HCN1: variants seen among roughly 807,000 people sequenced by gnomAD.
HCN1 encodes potassium/sodium hyperpolarization-activated cyclic nucleotide-gated channel 1.
Under a neutral mutation model 78.9 loss-of-function variants are expected in HCN1, and 13 were observed. The ratio of observed to expected loss-of-function variants is 0.16; its 90% CI spans 0.11 to 0.26. The LOEUF (loss-of-function observed/expected upper bound fraction) is 0.26, where lower values mean the gene tolerates loss of function less well. HCN1 is among the 10% of genes least tolerant of loss of function. The pLI is 1.00. For missense variants in HCN1, 810 were observed against 1,154.3 expected (o/e 0.70, Z 4.32); for synonymous variants, 552 against 455.5 (o/e 1.21, Z -2.70).
chr5:45,334,740 C>T (rs1201860767), intron 5 of HCN1, among the ~76,000 whole-genome samples: 3 of 151,914 alleles, frequency 2.0e-5, no homozygotes, highest in African/African-American at 4.8e-5. Flanking sequence ...ACAATATGCT[C>T]GGCACTGTGG....
At chr5:45,369,070 T>G (rs1012182797) in intron 4 of HCN1, among the ~76,000 whole-genome samples, 15 of 151,950 alleles carry the variant, frequency 9.9e-5, no homozygotes, top group African/African-American at 3.6e-4. Context: ...TTTACATAAA[T>G]GGAATAACAT....
At chr5:45,671,238 C>T (rs1395059658) in intron 1 of HCN1, among the ~76,000 whole-genome samples, 1 of 151,436 alleles carries the variant, frequency 6.6e-6, no homozygotes, top group African/African-American at 2.4e-5. Flanking sequence ...CAAATCCCAC[C>T]TGTCATTAAG....
chr5:45,337,672 C>T (rs962604415), intron 5 of HCN1, among the ~76,000 whole-genome samples: 6 of 151,934 alleles, frequency 3.9e-5, no homozygotes, highest in Admixed American at 3.3e-4. Context: ...TATAGCAGAA[C>T]AGGGAATGAA....
At chr5:45,498,606 A>T (rs1322147315) in intron 2 of HCN1, among the ~76,000 whole-genome samples, 4 of 152,188 alleles carry the variant, frequency 2.6e-5, no homozygotes, top group African/African-American at 9.7e-5. Context: ...TTTTCCGTCC[A>T]GCTTCCTTCC....
chr5:45,339,179 A>G (rs1561113018), intron 5 of HCN1, among the ~76,000 whole-genome samples: 1 of 152,136 alleles, frequency 6.6e-6, no homozygotes, highest in Non-Finnish European at 1.5e-5. Flanking sequence ...ATATTTCATG[A>G]CTTCCTACTG....
chr5:45,337,637 C>T (rs1458015671), intron 5 of HCN1, among the ~76,000 whole-genome samples: 1 of 151,998 alleles, frequency 6.6e-6, no homozygotes, highest in Non-Finnish European at 1.5e-5. Context: ...AAAGATAGTC[C>T]TTGCTTTTCC....
At chr5:45,361,838 A>C in intron 4 of HCN1, among the ~76,000 whole-genome samples, 1 of 152,140 alleles carries the variant, frequency 6.6e-6, no homozygotes, top group South Asian at 2.1e-4. Context: ...TGAAAAGTCA[A>C]TTTAACATTG....
chr5:45,651,194 C>A (rs539820159), intron 1 of HCN1, among the ~76,000 whole-genome samples: 14 of 152,056 alleles, frequency 9.2e-5, no homozygotes, highest in African/African-American at 3.4e-4. Flanking sequence ...GTCCCCTCAA[C>A]TCACACTTAA....
intron 1 of HCN1, among the ~76,000 whole-genome samples, chr5:45,682,347 A>G (rs561143839): frequency 4.0e-5 from 6 of 149,952 alleles, no homozygotes; most frequent in African/African-American, 1.5e-4. Context: ...TAGTAAATAG[A>G]GCTCATAGAA....
At chr5:45,515,500 C>T (rs750931499) in intron 2 of HCN1, among the ~76,000 whole-genome samples, 1 of 151,970 alleles carries the variant, frequency 6.6e-6, no homozygotes, top group African/African-American at 2.4e-5. Context: ...AAATGTATTA[C>T]ACTTTTATTC....
chr5:45,313,765 C>G (rs1745912234), intron 5 of HCN1, among the ~76,000 whole-genome samples: 1 of 152,180 alleles, frequency 6.6e-6, no homozygotes, highest in Non-Finnish European at 1.5e-5. Flanking sequence ...GAAAGGGTAT[C>G]TGTGACTGAA....
intron 2 of HCN1, among the ~76,000 whole-genome samples, chr5:45,509,967 A>G (rs1024565441): frequency 1.3e-5 from 2 of 152,124 alleles, no homozygotes. Context: ...TTCCCCAGAT[A>G]TTAGACACTA....
chr5:45,280,992 A>G (rs1745150326), intron 6 of HCN1, among the ~76,000 whole-genome samples: 1 of 151,900 alleles, frequency 6.6e-6, no homozygotes, highest in Non-Finnish European at 1.5e-5. Flanking sequence ...CTGCTAAAGA[A>G]TCTGTGGCAT....
chr5:45,583,331 C>G (rs1744128916), intron 2 of HCN1, among the ~76,000 whole-genome samples: 1 of 152,122 alleles, frequency 6.6e-6, no homozygotes, highest in Non-Finnish European at 1.5e-5. Flanking sequence ...TTATAGTATT[C>G]TCTGATGGTA....
At chr5:45,557,010 T>C (rs1256772491) in intron 2 of HCN1, among the ~76,000 whole-genome samples, 1 of 152,052 alleles carries the variant, frequency 6.6e-6, no homozygotes, top group Admixed American at 6.6e-5. Context: ...ATTTCCGTTC[T>C]CTTGTCACTT....
At chr5:45,665,137 T>A (rs1227043949) in intron 1 of HCN1, among the ~76,000 whole-genome samples, 1 of 151,948 alleles carries the variant, frequency 6.6e-6, no homozygotes, top group Non-Finnish European at 1.5e-5. Flanking sequence ...GATGAGTTCA[T>A]GTACTTTGTA....
At chr5:45,639,565 C>G (rs1745415241) in intron 2 of HCN1, among the ~76,000 whole-genome samples, 1 of 152,098 alleles carries the variant, frequency 6.6e-6, no homozygotes, top group Non-Finnish European at 1.5e-5. Context: ...TCCATACCAT[C>G]ATAAAAATTG....
chr5:45,554,395 T>G (rs1743430516), intron 2 of HCN1, among the ~76,000 whole-genome samples: 1 of 151,772 alleles, frequency 6.6e-6, no homozygotes, highest in Admixed American at 6.6e-5. Context: ...TATTATTAAA[T>G]AAATGTATTA....
chr5:45,570,605 C>T (rs962611582), intron 2 of HCN1, among the ~76,000 whole-genome samples: 4 of 152,114 alleles, frequency 2.6e-5, no homozygotes, highest in African/African-American at 7.2e-5. Context: ...TTACTCAGAT[C>T]ATTTGACTTT....
Sources: gnomAD v4.1 joint callset for allele counts (sites outside exome capture counted in the v4.1 genomes callset) on GRCh38, gnomAD v4.1.1 for gene constraint, MANE v1.5 for transcripts, NCBI Gene and HGNC (gene_info 2026-07-23, HGNC 2026-07-21) for gene names.